Variants in MTUS2 observed in about 807,000 individuals in gnomAD.
The protein encoded by MTUS2 is microtubule associated scaffold protein 2, also known as microtubule-associated tumor suppressor candidate 2.
A neutral mutation model predicts 114.1 loss-of-function variants in MTUS2; 40 were observed. The ratio of observed to expected loss-of-function variants is 0.35; its 90% confidence interval spans 0.27 to 0.46. The LOEUF is 0.46. Ranked by LOEUF, MTUS2 falls within the 20% of genes least tolerant of loss-of-function variation. MTUS2 has a pLI of 1.00. For synonymous variants in MTUS2, 688 were observed against 672.0 expected (o/e 1.02, Z -0.37); for missense variants, 1,679 against 1,705.4 (o/e 0.98, Z 0.27).
chr13:29,338,435 A>C (rs1404132192), intron 7 of MTUS2, among the ~76,000 whole-genome samples: 6 of 151,778 alleles, frequency 4.0e-5, no homozygotes, highest in South Asian at 2.1e-4. Flanking sequence ...AAAATACAAA[A>C]AAAAATTAGC....
intron 5 of MTUS2, among the ~76,000 whole-genome samples, chr13:29,107,852 T>C (rs6490354): frequency 0.97 from 147,899 of 152,260 alleles, 71,915 homozygotes; most frequent in Non-Finnish European, 0.99. Context: ...TAGATATTCT[T>C]ATTAAATTCT....
chr13:28,831,926 T>C (rs2137953206), intron 1 of MTUS2, among the ~76,000 whole-genome samples: 1 of 149,388 alleles, frequency 6.7e-6, no homozygotes, highest in Non-Finnish European at 1.5e-5. Flanking sequence ...CTGGCTATTT[T>C]TTTGTATTTT....
intron 4 of MTUS2, among the ~76,000 whole-genome samples, chr13:29,072,518 C>A (rs957878435): frequency 9.2e-5 from 14 of 152,140 alleles, no homozygotes; most frequent in Non-Finnish European, 1.5e-5. Flanking sequence ...TAAGGGCACT[C>A]CATAGAAAAG....
intron 6 of MTUS2, among the ~76,000 whole-genome samples, chr13:29,306,411 T>G (rs1313925053): frequency 6.6e-6 from 1 of 152,112 alleles, no homozygotes; most frequent in Non-Finnish European, 1.5e-5. Context: ...CCCAAAAGTT[T>G]CCTAAGCTGA....
intron 4 of MTUS2, among the ~76,000 whole-genome samples, chr13:29,071,080 C>G (rs569566695): frequency 6.6e-6 from 1 of 151,032 alleles, no homozygotes; most frequent in East Asian, 2.0e-4. Flanking sequence ...TCTCGGTTCA[C>G]TGCAACCTCT....
chr13:28,940,200 A>G (rs1455349794), intron 2 of MTUS2, among the ~76,000 whole-genome samples: 1 of 152,178 alleles, frequency 6.6e-6, no homozygotes, highest in African/African-American at 2.4e-5. Context: ...CCACAGCCAA[A>G]AGGTGGAAAC....
chr13:29,373,206 C>T lies in MTUS2; in HGVS notation c.3117+13733C>T, dbSNP rs1871329079. On this transcript the variant is annotated intron_variant, in intron 8 of 15. Transcript: ENST00000612955. ...ATTTTTCTTCTTCATTTCCCCATAC[C>T]CTAATCTGTGTAGCCTTGCAGTGGT... is the stretch of plus-strand genomic sequence containing the variant. Among the ~76,000 whole-genome samples, 4 of 152,126 alleles carry T rather than the reference C, an allele frequency of 2.6e-5. No homozygotes were observed. The South Asian group carries it at 8.3e-4, about 32-fold the overall frequency.
At chr13:29,239,063 A>G (rs929485910) in intron 5 of MTUS2, among the ~76,000 whole-genome samples, 4 of 152,336 alleles carry the variant, frequency 2.6e-5, no homozygotes, top group Admixed American at 6.5e-5. Flanking sequence ...TAACAGTGCC[A>G]TATTCTACAC....
At chr13:29,060,527 G>C (rs1888361754) in intron 4 of MTUS2, among the ~76,000 whole-genome samples, 1 of 142,290 alleles carries the variant, frequency 7.0e-6, no homozygotes, top group African/African-American at 2.6e-5. Context: ...TCCCAATGTG[G>C]TTTCTCCTAG....
At chr13:29,354,960 C>T (rs566588155) in intron 7 of MTUS2, among the ~76,000 whole-genome samples, 1 of 152,350 alleles carries the variant, frequency 6.6e-6, no homozygotes, top group South Asian at 2.1e-4. Context: ...AAGTGGGAAG[C>T]TATCAAAGTT....
chr13:29,059,228 A>ATTTTT (rs35369352), intron 4 of MTUS2, among the ~76,000 whole-genome samples: 2 of 97,140 alleles, frequency 2.1e-5, no homozygotes, highest in African/African-American at 7.9e-5. Context: ...TATTCTTTGG[A>ATTTTT]TTTTTTTTTT....
At chr13:29,335,774 G>A (rs928365549) in intron 7 of MTUS2, among the ~76,000 whole-genome samples, 2 of 152,194 alleles carry the variant, frequency 1.3e-5, no homozygotes, top group Admixed American at 1.3e-4. Context: ...ATAATATCCT[G>A]AAGAGTGTTT....
chr13:29,458,414 G>C (rs1429019619), intron 9 of MTUS2, among the ~76,000 whole-genome samples: 1 of 152,128 alleles, frequency 6.6e-6, no homozygotes, highest in Non-Finnish European at 1.5e-5. Context: ...TTTTATTCAG[G>C]GATTCGTAAG....
At chr13:29,095,327 C>A (rs1890132058) in intron 4 of MTUS2, among the ~76,000 whole-genome samples, 2 of 152,050 alleles carry the variant, frequency 1.3e-5, no homozygotes, top group Admixed American at 6.6e-5. Context: ...ATTTGGGTAT[C>A]TGTTGTTAGG....
chr13:29,010,430 T>G (rs150083340), intron 2 of MTUS2, among the ~76,000 whole-genome samples: 14 of 152,286 alleles, frequency 9.2e-5, no homozygotes, highest in African/African-American at 3.4e-4. Flanking sequence ...TGTCCAGCAT[T>G]ACTTTATTCT....
At chr13:28,871,504 C>T (rs1263846121) in intron 2 of MTUS2, among the ~76,000 whole-genome samples, 1 of 152,198 alleles carries the variant, frequency 6.6e-6, no homozygotes, top group African/African-American at 2.4e-5. Context: ...TTACAGTGGG[C>T]ATCTGTTTCA....
At chr13:29,250,124 T>TAATAA (rs977503196) in intron 5 of MTUS2, among the ~76,000 whole-genome samples, 2 of 151,920 alleles carry the variant, frequency 1.3e-5, no homozygotes, top group African/African-American at 2.4e-5. Flanking sequence ...TCTTAAAAAA[T>TAATAA]AATAAAATAA....
At chr13:29,300,644 T>C (rs1471318217) in intron 6 of MTUS2, among the ~76,000 whole-genome samples, 1 of 152,176 alleles carries the variant, frequency 6.6e-6, no homozygotes, top group South Asian at 2.1e-4. Flanking sequence ...CTATATTACA[T>C]TGAAGAAATG....
At chr13:28,958,865 A>G (rs1332900228) in intron 2 of MTUS2, among the ~76,000 whole-genome samples, 2 of 152,238 alleles carry the variant, frequency 1.3e-5, no homozygotes, top group African/African-American at 2.4e-5. Flanking sequence ...AAGGCAATGC[A>G]TAATTCACTT....
Sources: allele counts gnomAD v4.1 joint callset (sites outside exome capture counted in the v4.1 genomes callset), GRCh38; gene constraint gnomAD v4.1.1; transcripts MANE v1.5; gene names NCBI Gene and HGNC (gene_info 2026-07-23, HGNC 2026-07-21).